ADGRV1: variants seen among roughly 807,000 people sequenced by gnomAD.
ADGRV1 encodes G-protein coupled receptor 98.
ADGRV1 carries 359 observed loss-of-function variants against 596.2 expected under a neutral mutation model. The observed-to-expected ratio is 0.60, with a 90% CI of 0.55 to 0.66. ADGRV1 has a LOEUF of 0.66. Ranked by LOEUF, ADGRV1 falls within the 30% of genes least tolerant of loss-of-function variation. ADGRV1 has a pLI of 0.00. For synonymous variants in ADGRV1, 2,681 were observed against 2,679.2 expected (o/e 1.00, Z -0.02); for missense variants, 7,274 against 7,575.6 (o/e 0.96, Z 1.48).
At chr5:90,991,060 C>A (rs1384295572) in intron 85 of ADGRV1, among the ~76,000 whole-genome samples, 1 of 152,042 alleles carries the variant, frequency 6.6e-6, no homozygotes, top group Non-Finnish European at 1.5e-5. Flanking sequence ...ATCTGGAACC[C>A]CAGTTATGTG....
chr5:90,712,569 A>G, intron 42 of ADGRV1, 141 bp downstream of exon 42: 1 of 669,496 alleles, frequency 1.5e-6, no homozygotes, highest in Non-Finnish European at 2.5e-6. Context: ...GCATTTCAGA[A>G]TTCCTGTGTC....
chr5:90,838,545 C>G (rs912728658), intron 77 of ADGRV1, among the ~76,000 whole-genome samples: 1 of 152,184 alleles, frequency 6.6e-6, no homozygotes, highest in Non-Finnish European at 1.5e-5. Context: ...ATTGCTCTTA[C>G]GTGATGTCGT....
chr5:91,004,452 A>G (rs1352985669), intron 85 of ADGRV1, among the ~76,000 whole-genome samples: 1 of 152,130 alleles, frequency 6.6e-6, no homozygotes, highest in Non-Finnish European at 1.5e-5. Context: ...AAAATTTCGT[A>G]AAATATCTTA....
intron 1 of ADGRV1, among the ~76,000 whole-genome samples, chr5:90,596,073 CG>C (rs1373327622): frequency 7.0e-6 from 1 of 143,626 alleles, no homozygotes; most frequent in Non-Finnish European, 1.5e-5. Flanking sequence ...ACTTCTCAGA[CG>C]GGGCGGCCGG....
At chr5:91,014,136 C>CCACATACACACACACA (rs1782968216) in intron 85 of ADGRV1, among the ~76,000 whole-genome samples, 1 of 35,638 alleles carries the variant, frequency 2.8e-5, no homozygotes, top group African/African-American at 8.9e-5. Flanking sequence ...TTCACAATTG[C>CCACATACACACACACA]CACACACACA....
intron 84 of ADGRV1, among the ~76,000 whole-genome samples, chr5:90,973,728 A>G (rs1168900935): frequency 1.3e-5 from 2 of 152,148 alleles, no homozygotes; most frequent in African/African-American, 2.4e-5. Flanking sequence ...CTTTATGACA[A>G]ACCTACAACC....
intron 85 of ADGRV1, among the ~76,000 whole-genome samples, chr5:91,035,861 T>TATATATATATAATA: frequency 1.0e-5 from 1 of 96,402 alleles, no homozygotes; most frequent in South Asian, 3.5e-4. Context: ...TATATATATA[T>TATATATATATAATA]TATATATATA....
chr5:90,961,546 A>C (rs1778034309), intron 83 of ADGRV1, among the ~76,000 whole-genome samples: 1 of 138,564 alleles, frequency 7.2e-6, no homozygotes, highest in African/African-American at 2.8e-5. Flanking sequence ...TTTTATAGGG[A>C]AAGGAGTGAG....
At chr5:90,876,904 A>G (rs1259045698) in intron 83 of ADGRV1, among the ~76,000 whole-genome samples, 1 of 152,222 alleles carries the variant, frequency 6.6e-6, no homozygotes, top group Non-Finnish European at 1.5e-5. Context: ...TATGTAAAAT[A>G]TAGTAATGAC....
At chr5:90,934,420 T>A (rs1007273280) in intron 83 of ADGRV1, among the ~76,000 whole-genome samples, 1 of 152,188 alleles carries the variant, frequency 6.6e-6, no homozygotes, top group African/African-American at 2.4e-5. Context: ...CTTACCCTTC[T>A]AAGTCTAATA....
At chr5:90,624,603 G>A (rs1014169008) in intron 5 of ADGRV1, among the ~76,000 whole-genome samples, 2 of 151,890 alleles carry the variant, frequency 1.3e-5, no homozygotes, top group South Asian at 2.1e-4. Flanking sequence ...ATCATCTAAC[G>A]CATACCCATT....
At chr5:90,656,631 G>A (rs1371306190) in intron 20 of ADGRV1, among the ~76,000 whole-genome samples, 2 of 152,188 alleles carry the variant, frequency 1.3e-5, no homozygotes, top group African/African-American at 4.8e-5. Flanking sequence ...TAGTCGGTAT[G>A]GGAGCTGTCA....
intron 1 of ADGRV1, among the ~76,000 whole-genome samples, chr5:90,601,282 C>T (rs1004664412): frequency 2.0e-5 from 3 of 151,490 alleles, no homozygotes; most frequent in African/African-American, 7.3e-5. Flanking sequence ...TGTAAATAAG[C>T]CTTGTGTTAA....
chr5:91,138,191 A>C (rs1044893549), intron 87 of ADGRV1, among the ~76,000 whole-genome samples: 1 of 152,048 alleles, frequency 6.6e-6, no homozygotes, highest in Admixed American at 6.5e-5. Flanking sequence ...ATTCCAAAAA[A>C]GTGCTTACAT....
chr5:90,820,090 C>G (rs1037400169), intron 75 of ADGRV1, among the ~76,000 whole-genome samples: 3 of 151,944 alleles, frequency 2.0e-5, no homozygotes, highest in East Asian at 3.9e-4. Context: ...CTTTTTGAAT[C>G]TGGGTGCTCC....
intron 1 of ADGRV1, among the ~76,000 whole-genome samples, chr5:90,577,116 GT>G (rs1458363039): frequency 2.0e-5 from 3 of 152,116 alleles, no homozygotes; most frequent in Admixed American, 2.0e-4. Context: ...AAGCTCTTTA[GT>G]TTAATTAGAT....
chr5:90,604,028 G>A (rs758708012), intron 1 of ADGRV1, among the ~76,000 whole-genome samples: 1 of 151,608 alleles, frequency 6.6e-6, no homozygotes, highest in African/African-American at 2.4e-5. Context: ...GAGACATTAG[G>A]AGGGTATAGG....
At chr5:91,031,015 T>C in intron 85 of ADGRV1, 1 of 1,489,834 alleles carries the variant, frequency 6.7e-7, no homozygotes. Context: ...TCTGCTGATC[T>C]GATTAGAAAC....
At chr5:90,612,213 A>G (rs1383140037) in intron 1 of ADGRV1, among the ~76,000 whole-genome samples, 5 of 152,086 alleles carry the variant, frequency 3.3e-5, no homozygotes, top group Non-Finnish European at 7.4e-5. Flanking sequence ...ACATAAAAAG[A>G]TGCTGTTAAA....
Sources: allele counts gnomAD v4.1 joint callset (sites outside exome capture counted in the v4.1 genomes callset), GRCh38; gene constraint gnomAD v4.1.1; transcripts MANE v1.5; gene names NCBI Gene and HGNC (gene_info 2026-07-23, HGNC 2026-07-21).